ST6GALNAC3: variants seen among roughly 807,000 people sequenced by gnomAD.
The protein encoded by ST6GALNAC3 is ST6 N-acetylgalactosaminide alpha-2,6-sialyltransferase 3, also known as alpha-N-acetylgalactosaminide alpha-2,6-sialyltransferase 3.
ST6GALNAC3 carries 25 observed loss-of-function variants against 32.7 expected under a neutral mutation model. That is an observed-to-expected ratio of 0.76 (90% CI 0.56 to 1.07). The LOEUF is 1.07. ST6GALNAC3 is among the 50% of genes least tolerant of loss of function. The pLI is 0.00. For missense variants in ST6GALNAC3, 355 were observed against 382.4 expected (o/e 0.93, Z 0.60); for synonymous variants, 129 against 133.1 (o/e 0.97, Z 0.21).
intron 2 of ST6GALNAC3, among the ~76,000 whole-genome samples, chr1:76,383,040 C>T (rs947982736): frequency 1.1e-4 from 16 of 152,134 alleles, no homozygotes; most frequent in Non-Finnish European, 1.5e-4. Flanking sequence ...AAAAACCAAT[C>T]TTCAAAGGAA....
At chr1:76,190,151 T>G (rs984018838) in intron 1 of ST6GALNAC3, among the ~76,000 whole-genome samples, 1 of 152,142 alleles carries the variant, frequency 6.6e-6, no homozygotes, top group Non-Finnish European at 1.5e-5. Flanking sequence ...ACCTGTAAAG[T>G]AATTTATGGT....
At chr1:76,375,397 A>G (rs978181674) in intron 2 of ST6GALNAC3, among the ~76,000 whole-genome samples, 1 of 152,234 alleles carries the variant, frequency 6.6e-6, no homozygotes, top group African/African-American at 2.4e-5. Context: ...GTTCCTAGAC[A>G]GGAGAAAAAT....
intron 3 of ST6GALNAC3, among the ~76,000 whole-genome samples, chr1:76,510,177 T>C (rs1405113750): frequency 6.6e-6 from 1 of 152,092 alleles, no homozygotes; most frequent in Non-Finnish European, 1.5e-5. Flanking sequence ...CCTGTTAGAG[T>C]AAGTAATCAC....
chr1:76,444,673 C>T (rs1317724212), intron 3 of ST6GALNAC3, among the ~76,000 whole-genome samples: 1 of 152,096 alleles, frequency 6.6e-6, no homozygotes, highest in Non-Finnish European at 1.5e-5. Context: ...CTGAGGTAAG[C>T]CCTTCTCCAC....
At chr1:76,093,882 C>T (rs939302963) in intron 1 of ST6GALNAC3, among the ~76,000 whole-genome samples, 2 of 152,218 alleles carry the variant, frequency 1.3e-5, no homozygotes, top group African/African-American at 4.8e-5. Flanking sequence ...AAGCCAGATG[C>T]CACATAAGCC....
chr1:76,086,030 C>CT (rs1646959985), intron 1 of ST6GALNAC3, among the ~76,000 whole-genome samples: 1 of 152,212 alleles, frequency 6.6e-6, no homozygotes, highest in Non-Finnish European at 1.5e-5. Flanking sequence ...GAGCTAGGGG[C>CT]TGGGACTAAA....
intron 3 of ST6GALNAC3, among the ~76,000 whole-genome samples, chr1:76,540,280 C>T (rs1570176557): frequency 1.3e-5 from 2 of 152,090 alleles, no homozygotes; most frequent in Non-Finnish European, 2.9e-5. Context: ...ACCACACGTT[C>T]TCACTCATAA....
chr1:76,541,383 G>T (rs1390203627), intron 3 of ST6GALNAC3, among the ~76,000 whole-genome samples: 1 of 152,110 alleles, frequency 6.6e-6, no homozygotes, highest in Non-Finnish European at 1.5e-5. Context: ...CTGTTTCTTA[G>T]AGGCTCAGCC....
At chr1:76,394,097 A>AT (rs1345867801) in intron 2 of ST6GALNAC3, among the ~76,000 whole-genome samples, 1 of 152,106 alleles carries the variant, frequency 6.6e-6, no homozygotes, top group Non-Finnish European at 1.5e-5. Flanking sequence ...TTACTATGGG[A>AT]TAGATAGGGA....
At chr1:76,515,017 A>C (rs1662089883) in intron 3 of ST6GALNAC3, among the ~76,000 whole-genome samples, 1 of 152,124 alleles carries the variant, frequency 6.6e-6, no homozygotes, top group Admixed American at 6.6e-5. Context: ...AATCAGGGTA[A>C]TGCTGCCTCA....
At chr1:76,189,390 T>G (rs1355751432) in intron 1 of ST6GALNAC3, among the ~76,000 whole-genome samples, 3 of 152,192 alleles carry the variant, frequency 2.0e-5, no homozygotes, top group African/African-American at 7.2e-5. Flanking sequence ...GATCCACCTC[T>G]GTATGCAGTG....
intron 1 of ST6GALNAC3, among the ~76,000 whole-genome samples, chr1:76,123,517 G>T (rs1386977844): frequency 6.6e-6 from 1 of 152,090 alleles, no homozygotes; most frequent in African/African-American, 2.4e-5. Context: ...CACTCTAAGT[G>T]AGTGTGTGAG....
At chr1:76,456,167 G>A (rs1310466266) in intron 3 of ST6GALNAC3, among the ~76,000 whole-genome samples, 1 of 152,026 alleles carries the variant, frequency 6.6e-6, no homozygotes, top group Admixed American at 6.6e-5. Context: ...GTGAAACTCT[G>A]TCCCAAAAAG....
intron 1 of ST6GALNAC3, among the ~76,000 whole-genome samples, chr1:76,266,551 A>T (rs1260112552): frequency 6.6e-6 from 1 of 152,214 alleles, no homozygotes; most frequent in Non-Finnish European, 1.5e-5. Context: ...TACCTATGAA[A>T]GTAACATTCT....
chr1:76,459,799 G>T (rs1658152794), intron 3 of ST6GALNAC3, among the ~76,000 whole-genome samples: 2 of 152,148 alleles, frequency 1.3e-5, no homozygotes, highest in South Asian at 4.1e-4. Flanking sequence ...TTCAAAGTTT[G>T]TGTTTTAGCA....
At chr1:76,163,837 A>G (rs1318091007) in intron 1 of ST6GALNAC3, among the ~76,000 whole-genome samples, 2 of 152,240 alleles carry the variant, frequency 1.3e-5, no homozygotes, top group African/African-American at 4.8e-5. Flanking sequence ...GCAGACAATC[A>G]AAATCATTCC....
intron 1 of ST6GALNAC3, among the ~76,000 whole-genome samples, chr1:76,258,385 A>G (rs1437004176): frequency 6.6e-6 from 1 of 152,214 alleles, no homozygotes. Context: ...ATCTTCATCA[A>G]ATACTGCTTC....
At chr1:76,109,344 A>AGACTCCCCG (rs147657498) in intron 1 of ST6GALNAC3, among the ~76,000 whole-genome samples, 1,588 of 152,248 alleles carry the variant, frequency 0.01, 32 homozygotes, top group African/African-American at 0.037. Context: ...AGAAAACCAA[A>AGACTCCCCG]GACTCCCCGT....
chr1:76,316,628 A>C (rs952979890), intron 2 of ST6GALNAC3, among the ~76,000 whole-genome samples: 5 of 152,068 alleles, frequency 3.3e-5, no homozygotes, highest in Non-Finnish European at 5.9e-5. Context: ...AAGGGGGTCT[A>C]GCGGTTACCT....
Sources: allele counts gnomAD v4.1 joint callset (sites outside exome capture counted in the v4.1 genomes callset), GRCh38; gene constraint gnomAD v4.1.1; transcripts MANE v1.5; gene names NCBI Gene and HGNC (gene_info 2026-07-23, HGNC 2026-07-21).